The following ZNF521 variants were observed in gnomAD, a reference collection of about 807,000 sequenced individuals.
ZNF521 encodes LYST-interacting protein 3.
In ZNF521, 14 loss-of-function variants were observed where a neutral mutation model predicts 105.5. The ratio of observed to expected loss-of-function variants is 0.13; its 90% CI spans 0.09 to 0.21. The LOEUF (loss-of-function observed/expected upper bound fraction) is 0.21, where lower values mean the gene tolerates loss of function less well. ZNF521 is among the 10% of genes least tolerant of loss of function. The pLI is 1.00. For missense variants in ZNF521, 1,233 were observed against 1,629.7 expected, an observed-to-expected ratio of 0.76 and a Z score of 4.19; for synonymous variants, 635 against 606.0, an observed-to-expected ratio of 1.05 and a Z score of -0.70.
intron 3 of ZNF521, among the ~76,000 whole-genome samples, chr18:25,304,467 G>A (rs979062530): frequency 9.2e-5 from 14 of 152,072 alleles, no homozygotes; most frequent in Admixed American, 3.3e-4. Flanking sequence ...TTTTGTGTGT[G>A]TGCAAACCTA....
chr18:25,163,987 A>G (rs2035293926), intron 5 of ZNF521, among the ~76,000 whole-genome samples: 1 of 152,164 alleles, frequency 6.6e-6, no homozygotes, highest in African/African-American at 2.4e-5. Flanking sequence ...TCGAAATGTA[A>G]TGCCTGAGCA....
chr18:25,173,056 C>A (rs1179309312), intron 5 of ZNF521, among the ~76,000 whole-genome samples: 1 of 152,216 alleles, frequency 6.6e-6, no homozygotes, highest in African/African-American at 2.4e-5. Context: ...TACTCTTCTC[C>A]AAATTTACCA....
chr18:25,316,867 TTTTTGA>T (rs1481183899), intron 3 of ZNF521, among the ~76,000 whole-genome samples: 3 of 112,684 alleles, frequency 2.7e-5, no homozygotes, highest in Admixed American at 9.3e-5. Flanking sequence ...TTTTTTTTTT[TTTTTGA>T]GACAGAGTTT....
At chr18:25,088,694 T>A (rs1469653248) in intron 7 of ZNF521, among the ~76,000 whole-genome samples, 1 of 150,994 alleles carries the variant, frequency 6.6e-6, no homozygotes, top group Non-Finnish European at 1.5e-5. Context: ...TACATGATAC[T>A]TCTGGAATAG....
At chr18:25,342,479 A>G (rs1408054121) in intron 2 of ZNF521, among the ~76,000 whole-genome samples, 1 of 147,980 alleles carries the variant, frequency 6.8e-6, no homozygotes, top group Non-Finnish European at 1.5e-5. Flanking sequence ...TGGAGCCCGG[A>G]GTGCAGTGGA....
chr18:25,293,874 T>C (rs1034147706), intron 3 of ZNF521, among the ~76,000 whole-genome samples: 15 of 152,252 alleles, frequency 9.9e-5, no homozygotes, highest in African/African-American at 3.6e-4. Flanking sequence ...ACAATACTCT[T>C]TCAAAAAAGT....
chr18:25,224,072 T>C (rs1020200892), intron 4 of ZNF521: 6 of 384,584 alleles, frequency 1.6e-5, no homozygotes, highest in African/African-American at 7.9e-5. Flanking sequence ...CTCAGTAGTG[T>C]TGGCATGAGC....
chr18:25,281,512 C>T (rs185698856), intron 3 of ZNF521, among the ~76,000 whole-genome samples: 170 of 152,318 alleles, frequency 1.1e-3, no homozygotes, highest in African/African-American at 3.8e-3. Context: ...GAATGACTTA[C>T]TCTACATAGT....
At chr18:25,109,433 T>C (rs1364380524) in intron 5 of ZNF521, among the ~76,000 whole-genome samples, 1 of 152,196 alleles carries the variant, frequency 6.6e-6, no homozygotes, top group Non-Finnish European at 1.5e-5. Context: ...CAGGTGTCTT[T>C]TTATATGATT....
chr18:25,286,480 G>A (rs148533740), intron 3 of ZNF521, among the ~76,000 whole-genome samples: 3,617 of 152,282 alleles, frequency 0.024, 62 homozygotes, highest in South Asian at 0.039. Flanking sequence ...ATACAGAGGA[G>A]AGCCAATGTC....
chr18:25,074,697 C>A (rs1473436109), intron 7 of ZNF521, among the ~76,000 whole-genome samples: 2 of 152,148 alleles, frequency 1.3e-5, no homozygotes, highest in African/African-American at 4.8e-5. Context: ...GAGCTGCCCC[C>A]ACTCTCTACC....
At chr18:25,119,655 A>G (rs945775679) in intron 5 of ZNF521, among the ~76,000 whole-genome samples, 6 of 152,110 alleles carry the variant, frequency 3.9e-5, no homozygotes, top group African/African-American at 1.4e-4. Context: ...AATATTTTAA[A>G]ATTTACGGGA....
At chr18:25,285,031 C>T (rs1171424442) in intron 3 of ZNF521, among the ~76,000 whole-genome samples, 1 of 150,134 alleles carries the variant, frequency 6.7e-6, no homozygotes, top group Non-Finnish European at 1.5e-5. Flanking sequence ...TCTTTAAGGA[C>T]TTAGCTAAGC....
intron 4 of ZNF521, among the ~76,000 whole-genome samples, chr18:25,221,303 A>AT (rs1905709836): frequency 6.6e-6 from 1 of 152,092 alleles, no homozygotes; most frequent in African/African-American, 2.4e-5. Context: ...TCTTTCATCC[A>AT]TTTTTTGGAT....
chr18:25,166,324 G>A (rs763621575), intron 5 of ZNF521, among the ~76,000 whole-genome samples: 11 of 152,054 alleles, frequency 7.2e-5, no homozygotes, highest in Non-Finnish European at 1.5e-4. Flanking sequence ...TTGCTATCAC[G>A]ATATTCAAAA....
intron 3 of ZNF521, among the ~76,000 whole-genome samples, chr18:25,279,467 A>G (rs1263725849): frequency 6.6e-6 from 1 of 152,226 alleles, no homozygotes; most frequent in Non-Finnish European, 1.5e-5. Flanking sequence ...AACAGGCAAC[A>G]AAAAACTCCA....
At chr18:25,331,625 A>G (rs1913571564) in intron 2 of ZNF521, among the ~76,000 whole-genome samples, 1 of 152,156 alleles carries the variant, frequency 6.6e-6, no homozygotes, top group Admixed American at 6.5e-5. Flanking sequence ...ACTTACACCA[A>G]CTGTTTGTAT....
intron 5 of ZNF521, among the ~76,000 whole-genome samples, chr18:25,147,806 C>T (rs183357088): frequency 1.4e-4 from 22 of 152,274 alleles, no homozygotes; most frequent in African/African-American, 5.1e-4. Flanking sequence ...TATAATCTTT[C>T]GTGCAGAAAG....
At chr18:25,311,294 G>A (rs1912290413) in intron 3 of ZNF521, among the ~76,000 whole-genome samples, 1 of 149,838 alleles carries the variant, frequency 6.7e-6, no homozygotes, top group Admixed American at 6.7e-5. Flanking sequence ...AGCTTTTTTA[G>A]TAACCCACTC....
Sources: gnomAD v4.1 joint callset for allele counts (sites outside exome capture counted in the v4.1 genomes callset) on GRCh38, gnomAD v4.1.1 for gene constraint, MANE v1.5 for transcripts, NCBI Gene and HGNC (gene_info 2026-07-23, HGNC 2026-07-21) for gene names.